CCSER1: variants seen among roughly 807,000 people sequenced by gnomAD.
The protein encoded by CCSER1 is serine-rich coiled-coil domain-containing protein 1.
A neutral mutation model predicts 82.0 loss-of-function variants in CCSER1; 41 were observed. The ratio of observed to expected loss-of-function variants is 0.50; its 90% CI spans 0.39 to 0.65. CCSER1 has a LOEUF of 0.65. Ranked by LOEUF, CCSER1 falls within the 30% of genes least tolerant of loss-of-function variation. The pLI, the probability that CCSER1 is intolerant of heterozygous loss-of-function variation, is 0.00. For synonymous variants in CCSER1, 414 were observed against 383.9 expected (o/e 1.08, Z -0.92); for missense variants, 1,119 against 1,064.2 (o/e 1.05, Z -0.72).
chr4:90,248,516 G>T (rs1389133100), intron 1 of CCSER1, among the ~76,000 whole-genome samples: 1 of 152,054 alleles, frequency 6.6e-6, no homozygotes, highest in Non-Finnish European at 1.5e-5. Flanking sequence ...AAAAGCTTGG[G>T]CACTTAACAC....
chr4:90,327,832 G>A (rs1238309198), intron 3 of CCSER1, among the ~76,000 whole-genome samples: 1 of 152,070 alleles, frequency 6.6e-6, no homozygotes, highest in African/African-American at 2.4e-5. Flanking sequence ...ATTGCCCCCA[G>A]TTGAGAACTA....
chr4:90,616,646 C>T (rs887758199), intron 5 of CCSER1, among the ~76,000 whole-genome samples: 8 of 150,554 alleles, frequency 5.3e-5, no homozygotes, highest in African/African-American at 1.5e-4. Context: ...GAACAGGCCA[C>T]TGAACTCCAG....
At chr4:90,392,869 G>T (rs903310229) in intron 3 of CCSER1, among the ~76,000 whole-genome samples, 1 of 152,026 alleles carries the variant, frequency 6.6e-6, no homozygotes, top group African/African-American at 2.4e-5. Flanking sequence ...CTTTCTTAAC[G>T]CAATCCAGAA....
At position 90,206,587 on chromosome 4, in the gene CCSER1, A is replaced by G. The variant is rs375142928; in HGVS notation, c.-42+78756A>G. ...ACTGTTATGATTTCCATTCTTTTGCATTTGCTGAGGAGTGTTTTATTTCCA... is the reference window on the plus strand; with the variant it reads ...ACTGTTATGATTTCCATTCTTTTGCGTTTGCTGAGGAGTGTTTTATTTCCA... On this transcript the variant is annotated intron_variant, in intron 1 of 10. Coordinates refer to ENST00000509176, the MANE Select transcript of CCSER1 (RefSeq NM_001145065.2). 3.2e-4 allele frequency among the ~76,000 whole-genome samples: 49 copies of G among 151,940 alleles called. 1 individual carries two copies. Among genetic ancestry groups the G allele is most frequent in the African/African-American group, 1.1e-3 (47 of 41,354 alleles).
At chr4:90,238,404 A>C (rs144000584) in intron 1 of CCSER1, among the ~76,000 whole-genome samples, 1 of 152,288 alleles carries the variant, frequency 6.6e-6, no homozygotes, top group African/African-American at 2.4e-5. Context: ...GGTATTAGAG[A>C]GCTCAGTCTG....
intron 6 of CCSER1, among the ~76,000 whole-genome samples, chr4:90,640,843 T>C (rs1726375449): frequency 6.6e-6 from 1 of 152,144 alleles, no homozygotes; most frequent in Non-Finnish European, 1.5e-5. Context: ...TTCTGAGGCC[T>C]CCCCAGCCAT....
At chr4:91,014,648 T>C (rs1205492587) in intron 9 of CCSER1, among the ~76,000 whole-genome samples, 1 of 150,860 alleles carries the variant, frequency 6.6e-6, no homozygotes, top group Non-Finnish European at 1.5e-5. Flanking sequence ...CAAAGCCAGA[T>C]TCTTATTTTT....
At chr4:90,248,943 G>A (rs565616704) in intron 1 of CCSER1, among the ~76,000 whole-genome samples, 14 of 151,972 alleles carry the variant, frequency 9.2e-5, no homozygotes, top group African/African-American at 2.4e-4. Context: ...CAGACGATCC[G>A]CCTTGGCTTC....
chr4:90,467,963 A>G (rs1763858616), intron 4 of CCSER1, among the ~76,000 whole-genome samples: 1 of 152,116 alleles, frequency 6.6e-6, no homozygotes, highest in Admixed American at 6.5e-5. Context: ...AGCACTTTTC[A>G]TTCTTTGATG....
intron 9 of CCSER1, among the ~76,000 whole-genome samples, chr4:91,039,671 T>C (rs1334984352): frequency 1.3e-5 from 2 of 150,714 alleles, no homozygotes; most frequent in East Asian, 2.0e-4. Flanking sequence ...ATATTTATAA[T>C]GAGTATATGT....
At chr4:90,977,092 C>T (rs1735678644) in intron 9 of CCSER1, among the ~76,000 whole-genome samples, 1 of 151,430 alleles carries the variant, frequency 6.6e-6, no homozygotes, top group Non-Finnish European at 1.5e-5. Context: ...TTGTTCTCTG[C>T]CTCTCCTTCT....
At chr4:91,076,250 A>T (rs1721981408) in intron 9 of CCSER1, among the ~76,000 whole-genome samples, 1 of 147,546 alleles carries the variant, frequency 6.8e-6, no homozygotes, top group African/African-American at 2.5e-5. Flanking sequence ...CCTAAATTAT[A>T]CCAAGCTTTT....
At chr4:90,134,618 G>A (rs1188551505) in intron 1 of CCSER1, among the ~76,000 whole-genome samples, 1 of 152,326 alleles carries the variant, frequency 6.6e-6, no homozygotes, top group Non-Finnish European at 1.5e-5. Flanking sequence ...CATATTTGAA[G>A]TTATGCAGCT....
At chr4:90,307,324 G>T (rs1734480302) in intron 1 of CCSER1, among the ~76,000 whole-genome samples, 1 of 151,938 alleles carries the variant, frequency 6.6e-6, no homozygotes, top group African/African-American at 2.4e-5. Flanking sequence ...AGTATGTATT[G>T]TCACTTCTCT....
intron 10 of CCSER1, among the ~76,000 whole-genome samples, chr4:91,375,058 C>T (rs1435741663): frequency 1.3e-5 from 2 of 152,078 alleles, no homozygotes; most frequent in African/African-American, 4.8e-5. Context: ...CTCTGTTAGA[C>T]ATGGTAAAAG....
At chr4:90,454,663 A>T (rs995351337) in intron 4 of CCSER1, among the ~76,000 whole-genome samples, 11 of 152,142 alleles carry the variant, frequency 7.2e-5, no homozygotes, top group African/African-American at 2.6e-4. Context: ...GCACTCTATG[A>T]CATACAAAGC....
intron 1 of CCSER1, among the ~76,000 whole-genome samples, chr4:90,154,201 A>AT (rs1727535872): frequency 6.6e-6 from 1 of 151,796 alleles, no homozygotes; most frequent in African/African-American, 2.4e-5. Flanking sequence ...TATGCGGCGT[A>AT]GATTTCTGAG....
intron 1 of CCSER1, among the ~76,000 whole-genome samples, chr4:90,268,221 T>A (rs958355996): frequency 6.6e-6 from 1 of 152,124 alleles, no homozygotes; most frequent in Non-Finnish European, 1.5e-5. Context: ...TTCTCACTGG[T>A]AGTAATAAAT....
chr4:90,936,821 T>A (rs998576947), intron 9 of CCSER1, among the ~76,000 whole-genome samples: 2 of 152,200 alleles, frequency 1.3e-5, no homozygotes, highest in Admixed American at 1.3e-4. Context: ...AATGTTTAAT[T>A]CTTAGTCTTA....
Sources: gnomAD v4.1 joint callset for allele counts (sites outside exome capture counted in the v4.1 genomes callset) on GRCh38, gnomAD v4.1.1 for gene constraint, MANE v1.5 for transcripts, NCBI Gene and HGNC (gene_info 2026-07-23, HGNC 2026-07-21) for gene names.